Variants in ATM observed in about 807,000 individuals in gnomAD.
ATM encodes the protein serine-protein kinase ATM.
A neutral mutation model predicts 387.0 loss-of-function variants in ATM; 308 were observed. The ratio of observed to expected loss-of-function variants is 0.80; its 90% confidence interval spans 0.73 to 0.87. ATM has a LOEUF of 0.87. Among genes scored for constraint, ATM ranks in the 40% least tolerant of loss-of-function variants. The probability of loss-of-function intolerance (pLI) is 0.00; values close to 1 mark genes in which losing one functional copy is unlikely to be tolerated. For synonymous variants in ATM, 1,156 were observed against 1,187.3 expected (o/e 0.97, Z 0.54); for missense variants, 3,312 against 3,560.9 (o/e 0.93, Z 1.78).
In ATM at chr11:108,351,162, G is replaced by A. The variant is rs375025095; in HGVS notation, c.8672-2604G>A. Among the ~76,000 whole-genome samples the A allele has an allele frequency of 3.3e-5, 5 of 152,272 alleles. No individual in the cohort carries two copies. The East Asian group carries it at 9.6e-4, about 29-fold the overall frequency. On this transcript the variant is annotated intron_variant, in intron 59 of 62. Coordinates refer to ENST00000675843, the MANE Select transcript of ATM (RefSeq NM_000051.4). ...GATTCCAACATAAAAGAGTACACATGTATAATTCCATTTACATAAAATTCA... is the reference window on the plus strand; with the variant it reads ...GATTCCAACATAAAAGAGTACACATATATAATTCCATTTACATAAAATTCA...
chr11:108,256,907 CG>C (rs907063606), intron 14 of ATM, among the ~76,000 whole-genome samples: 1 of 152,128 alleles, frequency 6.6e-6, no homozygotes, highest in African/African-American at 2.4e-5. Context: ...TATCTTTATC[CG>C]GTCTATCATT....
rs1565447790 is a variant in ATM at position 108,284,433 on chromosome 11, T to G, written c.3953T>G (p.Val1318Gly). 6.2e-7 allele frequency: 1 copy of G among 1,614,006 alleles called. No homozygotes were observed. The highest frequency in any genetic ancestry group is 8.5e-7 in the Non-Finnish European group (1 of 1,179,920). Residue 1318 changes from valine to glycine, a missense_variant, in exon 26 of 63, where the codon GTC becomes GGC. Physicochemically the swap from Val to Gly is moderately radical, Grantham distance 109 (BLOSUM62 -3). Around this residue, in one of 4 missense-constraint regions of ATM, gnomAD observed 1,791 missense variants for 1,804.5 expected, o/e 0.99. Transcript: ENST00000675843. ...CAGCAAAGAGAGACTGCTACCAAGG[T>G]CTATGATATGCTTAAAAGTGAAAAC... ...MAQQRETATK[V>G]YDMLKSENLL...
intron 29 of ATM, among the ~76,000 whole-genome samples, chr11:108,291,185 T>C (rs2082774076): frequency 6.6e-6 from 1 of 151,750 alleles, no homozygotes; most frequent in Admixed American, 6.6e-5. Flanking sequence ...GCAGTGAGTC[T>C]AATTCGCACC....
intron 11 of ATM, 142 bp from the exon 12 acceptor site, chr11:108,252,675 T>A (rs1201310611): frequency 7.7e-6 from 5 of 645,288 alleles, no homozygotes; most frequent in Non-Finnish European, 1.4e-5. Flanking sequence ...TATTAAGAAA[T>A]TTAGTATAGA....
chr11:108,369,069 A>G lies in ATM; in HGVS notation c.*3561A>G, dbSNP rs1359130012. 5.8e-6 allele frequency: 1 copy of G among 173,754 alleles called. No individual in the cohort carries two copies. Among genetic ancestry groups the G allele is most frequent in the Non-Finnish European group, 1.2e-5 (1 of 80,646 alleles). The allele number at this position is 173,754 out of a possible 1,614,324, so 10.8% of individuals were successfully genotyped here. The stretch of plus-strand genomic sequence containing the variant: ...CTTTACTGTTACCTGAATTTATTAT[A>G]AAGTGTTTTTGAATAAATAATTCTA... On this transcript the variant is annotated 3_prime_UTR_variant, in exon 63 of 63. Coordinates refer to ENST00000675843, the MANE Select transcript of ATM (RefSeq NM_000051.4).
At chr11:108,241,537 G>T (rs2079556538) in intron 5 of ATM, among the ~76,000 whole-genome samples, 2 of 151,768 alleles carry the variant, frequency 1.3e-5, no homozygotes, top group South Asian at 4.2e-4. Flanking sequence ...ATTTAAATAG[G>T]AATTTTTCAG....
chr11:108,267,202 G>C lies in ATM; in HGVS notation c.2498G>C (p.Gly833Ala), dbSNP rs552010421. 3.7e-6 allele frequency: 6 copies of C among 1,614,144 alleles called. No homozygotes were observed. The African/African-American group carries it at 6.7e-5, about 18-fold the overall frequency. Residue 833 changes from glycine to alanine, a missense_variant, in exon 17 of 63, where the codon GGA becomes GCA. By Grantham distance (60) the Gly-to-Ala change is moderately conservative. Transcript: ENST00000675843. ...TTCATCAAAAAGCCATTTGACCGTG[G>C]AGAAGTAGAATCAATGGAAGATGAT... ...ASFIKKPFDR[G>A]EVESMEDDTN...
chr11:108,284,963 T>C (rs2082416751), intron 26 of ATM, among the ~76,000 whole-genome samples: 1 of 152,168 alleles, frequency 6.6e-6, no homozygotes. Flanking sequence ...TTTTTCTGTC[T>C]TTGCTTTTGT....
rs1555125331 is a variant in ATM at position 108,332,822 on chromosome 11, G to T, written c.7849G>T (p.Val2617Phe). 3.7e-6 allele frequency: 6 copies of T among 1,613,432 alleles called. No homozygotes were observed. The highest frequency in any genetic ancestry group is 5.1e-6 in the Non-Finnish European group (6 of 1,179,702). ...CTIRSRRPQM[V>F]RSVEALCDAY... Reference sequence around the variant, plus strand: ...TATCAGAAGTAGGAGACCTCAGATGGTCAGAAGTGTTGAGGCACTTTGTGA... The same window carrying T: ...TATCAGAAGTAGGAGACCTCAGATGTTCAGAAGTGTTGAGGCACTTTGTGA... The change falls in exon 53 of 63, where the codon GTC (valine) becomes TTC (phenylalanine). Residue 2617 changes from valine (V) to phenylalanine (F), a missense_variant. Coordinates refer to ENST00000675843, the MANE Select transcript of ATM (RefSeq NM_000051.4).
chr11:108,250,780 C>A lies in ATM; in HGVS notation c.1315C>A (p.Leu439Ile), dbSNP rs2135318392. ...TGAGCTGTCTCCATTACTGATGATACTATCTCAGCTTCTACCCCAACAGCG... is the reference window on the plus strand; with the variant it reads ...TGAGCTGTCTCCATTACTGATGATAATATCTCAGCTTCTACCCCAACAGCG... The part of the protein sequence containing the change: ...NCELSPLLMI[L>I]SQLLPQQRHG... The change falls in exon 10 of 63, where the codon CTA becomes ATA. Residue 439 changes from leucine (L) to isoleucine (I), a missense_variant. Leu to Ile is a conservative substitution (Grantham distance 5). Around this residue, in one of 4 missense-constraint regions of ATM, gnomAD observed 1,791 missense variants for 1,804.5 expected, o/e 0.99. Transcript: ENST00000675843. 6.2e-7 allele frequency: 1 copy of A among 1,612,306 alleles called. No individual in the cohort carries two copies. Among genetic ancestry groups the A allele is most frequent in the South Asian group, 1.1e-5 (1 of 91,014 alleles).
chr11:108,232,728 C>T (rs1214104475), intron 4 of ATM, among the ~76,000 whole-genome samples: 6 of 151,366 alleles, frequency 4.0e-5, no homozygotes, highest in Admixed American at 1.3e-4. Flanking sequence ...TTAGTAGAGA[C>T]GAGGGTTTTG....
In ATM at chr11:108,229,360, C is replaced by T. The variant is rs552244152; in HGVS notation, c.331+37C>T. 1.5e-4 allele frequency: 237 copies of T among 1,542,462 alleles called. 3 individuals carry two copies. In the South Asian group the frequency reaches 2.0e-3, roughly 13 times the overall value. On this transcript the variant is annotated intron_variant, in intron 4 of 62. Coordinates refer to ENST00000675843, the MANE Select transcript of ATM (RefSeq NM_000051.4). ...TATAAATTATAAATAAATGGCTTAA[C>T]AGATTACTGTCGCGTGAGTTTTTTT...
chr11:108,313,334 T>G (rs2084332168), intron 40 of ATM, among the ~76,000 whole-genome samples: 1 of 152,220 alleles, frequency 6.6e-6, no homozygotes, highest in African/African-American at 2.4e-5. Flanking sequence ...CTATGTTCTC[T>G]TTTAGGTATC....
rs4988012 is a variant in ATM at position 108,294,671 on chromosome 11, C to T, written c.4777-256C>T. ...ATTAGAATCACTTGAACCGGGGAGGCGGAGGTAGCAGTGAGCCTTGATAGC... is the reference window on the plus strand; with the variant it reads ...ATTAGAATCACTTGAACCGGGGAGGTGGAGGTAGCAGTGAGCCTTGATAGC... On this transcript the variant is annotated intron_variant, in intron 31 of 62. Transcript: ENST00000675843. 2.4e-3 allele frequency among the ~76,000 whole-genome samples: 371 copies of T among 152,212 alleles called. 2 individuals are homozygous for T. Among genetic ancestry groups the T allele is most frequent in the African/African-American group, 8.3e-3 (345 of 41,546 alleles).
At chr11:108,252,666 A>G in intron 11 of ATM, 151 bp from the exon 12 acceptor site, 1 of 629,400 alleles carries the variant, frequency 1.6e-6, no homozygotes, top group Non-Finnish European at 2.8e-6. Context: ...CCTTTTAGAT[A>G]TTAAGAAATT....
intron 53 of ATM, 99 bp downstream of exon 53, chr11:108,332,999 C>T (rs1181902896): frequency 1.5e-5 from 22 of 1,431,274 alleles, no homozygotes; most frequent in African/African-American, 4.3e-5. Flanking sequence ...TGCTTAAAAT[C>T]ACAAACGTAA....
Position 108,258,995 on chromosome 11 carries a change from A to T in ATM, c.2386A>T (p.Asn796Tyr), listed in dbSNP as rs201793499. Residue 796 changes from asparagine (N) to tyrosine (Y), a missense_variant, in exon 16 of 63, where the codon AAT becomes TAT. Asn to Tyr is a moderately radical substitution (Grantham distance 143). Around this residue, in one of 4 missense-constraint regions of ATM, gnomAD observed 1,791 missense variants for 1,804.5 expected, o/e 0.99. Coordinates refer to ENST00000675843, the MANE Select transcript of ATM (RefSeq NM_000051.4). ...TTTGTCTTAATTGCAGAAGAGTCCA[A>T]ATAAGATTGCATCTGGCTTTTTCCT... ...CLSNCTKKSP[N>Y]KIASGFFLRL... is the part of the protein sequence containing the mutation. 34 of 1,613,608 alleles carry T rather than the reference A, an allele frequency of 2.1e-5. No individual in the cohort carries two copies. Among genetic ancestry groups the T allele is most frequent in the Non-Finnish European group, 2.9e-5 (34 of 1,179,678 alleles).
At chr11:108,355,725 G>A (rs2089828909) in intron 61 of ATM, 2 of 152,266 alleles carry the variant, frequency 1.3e-5, no homozygotes, top group Non-Finnish European at 2.9e-5. Flanking sequence ...GGTTTCTAGA[G>A]ATGGGGCAGG....
chr11:108,304,975 T>C, intron 37 of ATM, 123 bp downstream of exon 37: 1 of 1,207,358 alleles, frequency 8.3e-7, no homozygotes, highest in Non-Finnish European at 1.2e-6. Flanking sequence ...ATTTGTTTCT[T>C]CATCTATGGA....
Sources: gnomAD v4.1 joint callset for allele counts (sites outside exome capture counted in the v4.1 genomes callset) on GRCh38, gnomAD v4.1.1 for gene constraint, gnomAD v4.1.1 regional missense constraint, MANE v1.5 for transcripts, NCBI Gene and HGNC (gene_info 2026-07-23, HGNC 2026-07-21) for gene names.